Variants in SRGAP3 observed in about 807,000 individuals in gnomAD.
SRGAP3 encodes the protein SLIT-ROBO Rho GTPase-activating protein 3.
Under a neutral mutation model 121.1 loss-of-function variants are expected in SRGAP3, and 39 were observed. The ratio of observed to expected loss-of-function variants is 0.32; its 90% CI spans 0.25 to 0.42. SRGAP3 has a LOEUF of 0.42. SRGAP3 is among the 10% of genes least tolerant of loss of function. The pLI is 1.00. For missense variants in SRGAP3, 1,213 were observed against 1,470.6 expected, an observed-to-expected ratio of 0.82 and a Z score of 2.86; for synonymous variants, 601 against 570.0, an observed-to-expected ratio of 1.05 and a Z score of -0.77.
intron 1 of SRGAP3, among the ~76,000 whole-genome samples, chr3:9,207,040 G>A (rs570342564): frequency 2.4e-4 from 37 of 152,172 alleles, no homozygotes; most frequent in Non-Finnish European, 4.4e-4. Context: ...CACATAGGGT[G>A]ACCAACCATC....
At chr3:9,053,435 G>C (rs1348324995) in intron 8 of SRGAP3, among the ~76,000 whole-genome samples, 1 of 152,194 alleles carries the variant, frequency 6.6e-6, no homozygotes, top group Non-Finnish European at 1.5e-5. Flanking sequence ...GAAAAGCCAG[G>C]TTGCCCAATT....
intron 3 of SRGAP3, among the ~76,000 whole-genome samples, chr3:9,096,016 G>A (rs1947952175): frequency 6.6e-6 from 1 of 151,966 alleles, no homozygotes; most frequent in Admixed American, 6.6e-5. Flanking sequence ...AGGCTGCAGT[G>A]AGCTATGATC....
intron 1 of SRGAP3, among the ~76,000 whole-genome samples, chr3:9,178,048 G>T (rs754136558): frequency 5.3e-5 from 8 of 152,146 alleles, no homozygotes; most frequent in Admixed American, 5.2e-4. Flanking sequence ...TGGGCAGATT[G>T]CTTGAGCCCA....
intron 3 of SRGAP3, among the ~76,000 whole-genome samples, chr3:9,097,731 T>C (rs540650773): frequency 6.6e-6 from 1 of 152,340 alleles, no homozygotes; most frequent in African/African-American, 2.4e-5. Flanking sequence ...GCTTTGGAAC[T>C]GCCTTGGCTG....
chr3:9,165,671 A>G (rs1184423545), intron 1 of SRGAP3, among the ~76,000 whole-genome samples: 1 of 151,612 alleles, frequency 6.6e-6, no homozygotes, highest in Non-Finnish European at 1.5e-5. Context: ...TTACCTCTCA[A>G]TCCTCCTCCT....
chr3:9,063,394 G>A (rs551440575), intron 5 of SRGAP3, among the ~76,000 whole-genome samples: 1 of 152,014 alleles, frequency 6.6e-6, no homozygotes, highest in Non-Finnish European at 1.5e-5. Flanking sequence ...CTCCCAAAGT[G>A]TTAGGATTAC....
At chr3:9,282,697 G>A (rs1196248986) in intron 3 of SRGAP3, among the ~76,000 whole-genome samples, 2 of 151,922 alleles carry the variant, frequency 1.3e-5, no homozygotes, top group African/African-American at 2.4e-5. Context: ...GGCCAAGCTG[G>A]TCTCGAACTC....
chr3:9,323,118 GA>G (rs1396591103), intron 3 of SRGAP3, among the ~76,000 whole-genome samples: 1 of 151,648 alleles, frequency 6.6e-6, no homozygotes, highest in Non-Finnish European at 1.5e-5. Context: ...GACATTCTTG[GA>G]AAAAAAGAAA....
At chr3:9,073,552 C>A (rs552259388) in intron 4 of SRGAP3, among the ~76,000 whole-genome samples, 1 of 152,330 alleles carries the variant, frequency 6.6e-6, no homozygotes, top group South Asian at 2.1e-4. Flanking sequence ...TGTTTCCCCT[C>A]TGGGCAACCC....
intron 3 of SRGAP3, among the ~76,000 whole-genome samples, chr3:9,316,604 G>A (rs1401757827): frequency 6.6e-6 from 1 of 152,024 alleles, no homozygotes; most frequent in Non-Finnish European, 1.5e-5. Flanking sequence ...AGGTTGCAGT[G>A]AGCTGAGATC....
At chr3:8,996,437 G>T (rs971786752) in intron 18 of SRGAP3, among the ~76,000 whole-genome samples, 2 of 152,176 alleles carry the variant, frequency 1.3e-5, no homozygotes, top group African/African-American at 4.8e-5. Context: ...GATGTATTTA[G>T]CTCTTAGTGA....
intron 4 of SRGAP3, among the ~76,000 whole-genome samples, chr3:9,078,144 A>G (rs1181583963): frequency 1.3e-5 from 2 of 152,212 alleles, no homozygotes; most frequent in Non-Finnish European, 2.9e-5. Context: ...AGGTATAGAC[A>G]GCAGGGATTG....
chr3:9,305,607 T>C (rs185630746), intron 3 of SRGAP3, among the ~76,000 whole-genome samples: 43 of 151,994 alleles, frequency 2.8e-4, no homozygotes, highest in African/African-American at 1.0e-3. Context: ...CCCCACCCTG[T>C]GTCCAGGTGT....
chr3:9,056,209 T>G (rs748150350), intron 8 of SRGAP3, 24 bp downstream of exon 8: 1 of 1,612,280 alleles, frequency 6.2e-7, no homozygotes, highest in Non-Finnish European at 8.5e-7. Context: ...GAAAATCCCT[T>G]ATAGGGCAGA....
At chr3:9,348,668 G>T in intron 1 of SRGAP3, 1 of 1,083,612 alleles carries the variant, frequency 9.2e-7, no homozygotes. Context: ...CCATTGATCA[G>T]ACGTGGCTGC....
At chr3:9,321,402 G>C (rs1371931580) in intron 3 of SRGAP3, among the ~76,000 whole-genome samples, 1 of 151,886 alleles carries the variant, frequency 6.6e-6, no homozygotes, top group Non-Finnish European at 1.5e-5. Context: ...TATAGCAATA[G>C]ATAACTAATA....
At chr3:9,013,250 C>A in intron 17 of SRGAP3, 58 bp downstream of exon 17, 1 of 1,526,696 alleles carries the variant, frequency 6.6e-7, no homozygotes, top group Admixed American at 1.7e-5. Flanking sequence ...CTTATTGTTC[C>A]TATTCAATGG....
At position 8,985,565 on chromosome 3, in the gene SRGAP3, TCGG is replaced by T; in HGVS notation, c.3251_3253del (p.Thr1084_Glu1085delinsLys). The stretch of plus-strand genomic sequence containing the variant: ...CGCTGAGCTGTTGGGGAACATCTTC[TCGG>T]TGGGCGTCACGGCCGGGCTGCCCAC... On this transcript the variant is annotated inframe_deletion, in exon 22 of 22. Transcript: ENST00000383836. This position sits in a 1 kb window ranked among gnomAD's most constrained non-coding sequence, Gnocchi z 5.1. 1 of 1,598,444 alleles carries T rather than the reference TCGG, an allele frequency of 6.3e-7. No individual in the cohort carries two copies. Among genetic ancestry groups the T allele is most frequent in the Non-Finnish European group, 8.5e-7 (1 of 1,179,346 alleles).
chr3:9,047,581 T>A (rs1945353178), intron 9 of SRGAP3, 106 bp from the exon 10 acceptor site: 1 of 1,088,890 alleles, frequency 9.2e-7, no homozygotes, highest in African/African-American at 1.6e-5. Context: ...AGAGATCACG[T>A]CACCCGCAGG....
Sources: gnomAD v4.1 joint callset for allele counts (sites outside exome capture counted in the v4.1 genomes callset) on GRCh38, gnomAD v4.1.1 for gene constraint, Gnocchi (gnomAD v3.1) non-coding constraint, MANE v1.5 for transcripts, NCBI Gene and HGNC (gene_info 2026-07-23, HGNC 2026-07-21) for gene names.